The following CATSPER4 variants were observed in gnomAD, a reference collection of about 807,000 sequenced individuals.
CATSPER4 encodes cation channel sperm associated 4.
CATSPER4 carries 46 observed loss-of-function variants against 54.4 expected under a neutral mutation model. That is an observed-to-expected ratio of 0.84 (90% CI 0.67 to 1.08). The LOEUF (loss-of-function observed/expected upper bound fraction) is 1.08. CATSPER4 is among the 50% of genes least tolerant of loss of function. CATSPER4 has a pLI of 0.00. For synonymous variants in CATSPER4, 230 were observed against 231.9 expected (o/e 0.99, Z 0.08); for missense variants, 574 against 612.8 (o/e 0.94, Z 0.67).
intron 3 of CATSPER4, 23 bp downstream of exon 3, chr1:26,193,911 C>A: frequency 6.5e-7 from 1 of 1,541,426 alleles, no homozygotes; most frequent in Non-Finnish European, 9.0e-7. Context: ...GCCCTTTGCC[C>A]CTACTTCCCC....
At chr1:26,198,248 T>G in intron 5 of CATSPER4, 38 bp from the exon 6 acceptor site, 1 of 1,614,216 alleles carries the variant, frequency 6.2e-7, no homozygotes, top group Non-Finnish European at 8.5e-7. Context: ...TCCAGGCCCT[T>G]TGGTGAAGTC....
intron 5 of CATSPER4, 47 bp downstream of exon 5, chr1:26,198,124 GC>G: frequency 6.2e-7 from 1 of 1,614,152 alleles, no homozygotes; most frequent in Non-Finnish European, 8.5e-7. Context: ...CCTGAACAGG[GC>G]CCTTGGGTCA....
Position 26,202,648 on chromosome 1 carries a change from C to T in CATSPER4, c.*106C>T, listed in dbSNP as rs2089020630. The T allele has an allele frequency of 6.4e-6, 7 of 1,088,182 alleles. No homozygotes were observed. Among genetic ancestry groups the T allele is most frequent in the East Asian group, 2.6e-5 (1 of 38,942 alleles). 67.4% of individuals were successfully genotyped at this position (1,088,182 alleles called of 1,614,324 possible). A position where few individuals can be genotyped will look rare whatever the true frequency, so the allele number is the denominator to read the frequency against. The stretch of plus-strand genomic sequence containing the variant: ...GAGCCTGGCCAGAGCCCATCCTCTC[C>T]CTTATACCTGGGCAGAGGCCAGGGG... On this transcript the variant is annotated 3_prime_UTR_variant, in exon 10 of 10. Transcript: ENST00000456354.
Position 26,201,448 on chromosome 1 carries a change from ACGT to A in CATSPER4, c.1296_1298del (p.Ser434del). 6.2e-7 allele frequency: 1 copy of A among 1,613,792 alleles called. No individual in the cohort carries two copies. ...GTCGACGAGCGGGTCGTTGGAGACT[ACGT>A]CATCCAAGGACATCCGCCAGATGTC... is the stretch of plus-strand genomic sequence containing the variant. On this transcript the variant is annotated inframe_deletion, in exon 9 of 10. Transcript: ENST00000456354.
intron 6 of CATSPER4, among the ~76,000 whole-genome samples, chr1:26,199,297 G>A (rs192237109): frequency 6.6e-5 from 10 of 151,932 alleles, no homozygotes; most frequent in African/African-American, 2.2e-4. Flanking sequence ...TTAGCCGGAC[G>A]GTGGGGCGCC....
chr1:26,201,422 C>G lies in CATSPER4; in HGVS notation c.1268C>G (p.Ser423Trp), dbSNP rs201932747. Reference protein sequence around the residue: ...EQESEVLNRRSSTSGSLETTS... With the variant: ...EQESEVLNRRWSTSGSLETTS... ...GAGTCAGAGGTGTTGAACAGGCGCT[C>G]GTCGACGAGCGGGTCGTTGGAGACT... The change falls in exon 9 of 10, where the codon TCG becomes TGG. Residue 423 changes from serine (S) to tryptophan (W), a missense_variant. Physicochemically the swap from Ser to Trp is radical, Grantham distance 177 (BLOSUM62 -3). Coordinates refer to ENST00000456354, the MANE Select transcript of CATSPER4 (RefSeq NM_198137.2). The G allele has an allele frequency of 3.8e-5, 62 of 1,614,010 alleles. No homozygotes were observed. The East Asian group carries it at 1.2e-3, about 33-fold the overall frequency.
intron 9 of CATSPER4, 102 bp downstream of exon 9, chr1:26,201,621 C>G (rs773636256): frequency 8.0e-6 from 9 of 1,125,428 alleles, no homozygotes; most frequent in Non-Finnish European, 1.2e-5. Flanking sequence ...CTGTCTATTC[C>G]AAGATCTGGT....
At position 26,202,877 on chromosome 1, in the gene CATSPER4, G is replaced by C; in HGVS notation, c.*335G>C. On this transcript the variant is annotated 3_prime_UTR_variant, in exon 10 of 10. Transcript: ENST00000456354. ...TGCTCTTGCCCAGAGCTGGTGGGGGGCCTCAGTGGGCCCCAGAACCAAGAA... is the reference window on the plus strand; with the variant it reads ...TGCTCTTGCCCAGAGCTGGTGGGGGCCCTCAGTGGGCCCCAGAACCAAGAA... 2.5e-6 allele frequency: 1 copy of C among 401,512 alleles called. No individual in the cohort carries two copies. Among genetic ancestry groups the C allele is most frequent in the Non-Finnish European group, 4.6e-6 (1 of 217,724 alleles). The allele number at this position is 401,512 out of a possible 1,614,324, so 24.9% of individuals were successfully genotyped here. A position where few individuals can be genotyped will look rare whatever the true frequency, so the allele number is the denominator to read the frequency against.
chr1:26,190,716 G>A lies in CATSPER4; in HGVS notation c.89G>A (p.Gly30Glu). The A allele has an allele frequency of 6.2e-7, 1 of 1,613,522 alleles. No individual in the cohort carries two copies. Among genetic ancestry groups the A allele is most frequent in the South Asian group, 1.1e-5 (1 of 91,008 alleles). ...GWGGTQEDRM[G>E]FGGAVAALRG... is the part of the protein sequence containing the mutation. ...GGCGGGACTCAGGAGGACCGTATGG[G>A]GTTTGGAGGGGCAGTAGCTGCACTG... The change falls in exon 1 of 10, where the codon GGG (glycine) becomes GAG (glutamate). Residue 30 changes from glycine (G) to glutamate (E), a missense_variant. By Grantham distance (98) the Gly-to-Glu change is moderately conservative (BLOSUM62 -2). Transcript: ENST00000456354.
Position 26,190,787 on chromosome 1 carries a change from G to T in CATSPER4, c.160G>T (p.Gly54Cys), listed in dbSNP as rs747126083. The T allele has an allele frequency of 3.1e-6, 5 of 1,613,232 alleles. No individual in the cohort carries two copies. The highest frequency in any genetic ancestry group is 2.7e-5 in the African/African-American group (2 of 74,974). ...GCAGAGTACCATTCACGAGTCCTACGGTCGGCCAGAGGAGCAAGTGCTCAT... is the reference window on the plus strand; with the variant it reads ...GCAGAGTACCATTCACGAGTCCTACTGTCGGCCAGAGGAGCAAGTGCTCAT... ...PLQSTIHESY[G>C]RPEEQVLINR... The change falls in exon 1 of 10, where the codon GGT (glycine) becomes TGT (cysteine). Residue 54 changes from glycine (G) to cysteine (C), a missense_variant. By Grantham distance (159) the Gly-to-Cys change is radical. Transcript: ENST00000456354.
chr1:26,191,836 T>G (rs17163643), intron 2 of CATSPER4, among the ~76,000 whole-genome samples: 1,965 of 152,142 alleles, frequency 0.013, 32 homozygotes, highest in African/African-American at 0.043. Flanking sequence ...ACAGAAACTG[T>G]CATTACAAGT....
chr1:26,192,212 T>G lies in CATSPER4; in HGVS notation c.357+782T>G, dbSNP rs140370327. Among the ~76,000 whole-genome samples, 1,368 of 151,754 alleles carry G rather than the reference T, an allele frequency of 9.0e-3. 25 individuals are homozygous for G. Among genetic ancestry groups the G allele is most frequent in the African/African-American group, 0.031 (1,284 of 41,342 alleles). On this transcript the variant is annotated intron_variant, in intron 2 of 9. Coordinates refer to ENST00000456354, the MANE Select transcript of CATSPER4 (RefSeq NM_198137.2). Reference sequence around the variant, plus strand: ...GCGCCATCTTGGCTCAATGCAGCCTTGAACTCCTGGACTCAAGTGATCCTC... The same window carrying G: ...GCGCCATCTTGGCTCAATGCAGCCTGGAACTCCTGGACTCAAGTGATCCTC...
intron 2 of CATSPER4, among the ~76,000 whole-genome samples, chr1:26,192,531 G>T (rs991318868): frequency 6.6e-6 from 1 of 151,414 alleles, no homozygotes; most frequent in African/African-American, 2.4e-5. Context: ...CGGAGGTTGC[G>T]GTGAGCCGAG....
chr1:26,197,703 C>T lies in CATSPER4; in HGVS notation c.477C>T (p.Leu159=), dbSNP rs770346538. ...CTCCCCAGGACGGCTGGAACATCCT[C>T]AACTTCATTATCGTCTTTATCTTGC... ...WIFWKDGWNI[L]NFIIVFILLL... Residue 159 remains leucine, a synonymous_variant, in exon 4 of 10, where the codon CTC becomes CTT. Transcript: ENST00000456354. 1.9e-6 allele frequency: 3 copies of T among 1,613,238 alleles called. No individual in the cohort carries two copies. The highest frequency in any genetic ancestry group is 1.7e-5 in the Admixed American group (1 of 60,012).
At chr1:26,193,094 C>A (rs1353035767) in intron 2 of CATSPER4, among the ~76,000 whole-genome samples, 1 of 151,426 alleles carries the variant, frequency 6.6e-6, no homozygotes, top group South Asian at 2.1e-4. Context: ...GGAGGAGACA[C>A]GGTGACTTGG....
intron 8 of CATSPER4, 120 bp downstream of exon 8, chr1:26,201,161 C>A (rs930733315): frequency 1.0e-5 from 10 of 995,774 alleles, no homozygotes; most frequent in African/African-American, 4.8e-5. Context: ...CCACAGAGGT[C>A]CCCCACCCTA....
rs370651018 is a variant in CATSPER4 at position 26,202,448 on chromosome 1, G to C, written c.1366-41G>C. On this transcript the variant is annotated intron_variant, in intron 9 of 9. Coordinates refer to ENST00000456354, the MANE Select transcript of CATSPER4 (RefSeq NM_198137.2). Reference sequence around the variant, plus strand: ...GTGAGTAACGGAGGCTGCCATATCGGGGGGAGTGGGGGATTAACAAGAAGA... The same window carrying C: ...GTGAGTAACGGAGGCTGCCATATCGCGGGGAGTGGGGGATTAACAAGAAGA... 7.6e-6 allele frequency: 12 copies of C among 1,582,648 alleles called. No homozygotes were observed. In the African/African-American group the frequency reaches 1.6e-4, roughly 21 times the overall value.
chr1:26,195,477 A>G (rs1450037284), intron 3 of CATSPER4, among the ~76,000 whole-genome samples: 1 of 150,182 alleles, frequency 6.7e-6, no homozygotes, highest in Non-Finnish European at 1.5e-5. Flanking sequence ...GAGATGGGAG[A>G]TGCCAGGCTC....
At chr1:26,198,149 G>C in intron 5 of CATSPER4, 72 bp downstream of exon 5, 1 of 1,613,840 alleles carries the variant, frequency 6.2e-7, no homozygotes, top group Non-Finnish European at 8.5e-7. Context: ...CAAATAGAGG[G>C]GTGTCTGGAA....
Sources: gnomAD v4.1 joint callset for allele counts (sites outside exome capture counted in the v4.1 genomes callset) on GRCh38, gnomAD v4.1.1 for gene constraint, MANE v1.5 for transcripts, NCBI Gene and HGNC (gene_info 2026-07-23, HGNC 2026-07-21) for gene names.